Variants in SLC24A3 observed in about 807,000 individuals in gnomAD.
SLC24A3 encodes the protein sodium/potassium/calcium exchanger 3.
In SLC24A3, 28 loss-of-function variants were observed where a neutral mutation model predicts 75.8. That is an observed-to-expected ratio of 0.37 (90% CI 0.27 to 0.51). The LOEUF (loss-of-function observed/expected upper bound fraction) is 0.51. Among genes scored for constraint, SLC24A3 ranks in the 20% least tolerant of loss-of-function variants. SLC24A3 has a pLI of 0.94. For missense variants in SLC24A3, 663 were observed against 847.8 expected, an observed-to-expected ratio of 0.78 and a Z score of 2.71; for synonymous variants, 372 against 334.1, an observed-to-expected ratio of 1.11 and a Z score of -1.24.
intron 6 of SLC24A3, among the ~76,000 whole-genome samples, chr20:19,591,400 A>G (rs1403627745): frequency 6.6e-6 from 1 of 152,132 alleles, no homozygotes; most frequent in African/African-American, 2.4e-5. Context: ...AATGCAAAGG[A>G]AAGTGGACAT....
chr20:19,338,006 C>T (rs1985176734), intron 2 of SLC24A3, among the ~76,000 whole-genome samples: 2 of 152,052 alleles, frequency 1.3e-5, no homozygotes, highest in Non-Finnish European at 2.9e-5. Context: ...GATAGAGGCA[C>T]CACAGGATGG....
intron 1 of SLC24A3, among the ~76,000 whole-genome samples, chr20:19,267,205 T>C (rs1233911922): frequency 6.6e-6 from 1 of 152,198 alleles, no homozygotes; most frequent in Non-Finnish European, 1.5e-5. Flanking sequence ...AAATATTAGT[T>C]CCATACTTTG....
At chr20:19,500,414 A>G (rs933813500) in intron 2 of SLC24A3, among the ~76,000 whole-genome samples, 1 of 152,118 alleles carries the variant, frequency 6.6e-6, no homozygotes, top group African/African-American at 2.4e-5. Flanking sequence ...TCTTAGTGTT[A>G]CCTAGGAGAT....
At chr20:19,228,662 C>A (rs1369327320) in intron 1 of SLC24A3, among the ~76,000 whole-genome samples, 1 of 151,624 alleles carries the variant, frequency 6.6e-6, no homozygotes, top group Non-Finnish European at 1.5e-5. Context: ...AAAAAATTAG[C>A]CATGGATGTT....
chr20:19,254,619 T>A lies in SLC24A3; in HGVS notation c.143-26340T>A, dbSNP rs115843667. Among the ~76,000 whole-genome samples, 407 of 152,300 alleles carry A rather than the reference T, an allele frequency of 2.7e-3. 2 individuals are homozygous for A. Among genetic ancestry groups the A allele is most frequent in the African/African-American group, 9.0e-3 (376 of 41,562 alleles). ...AACTCACGAAGAAAAGGAAGAAAAC[T>A]TTTTTTGTCTTTCTGACTCATGCCT... is the stretch of plus-strand genomic sequence containing the variant. On this transcript the variant is annotated intron_variant, in intron 1 of 16. Coordinates refer to ENST00000328041, the MANE Select transcript of SLC24A3 (RefSeq NM_020689.4).
rs544151646 is a variant in SLC24A3 at position 19,485,386 on chromosome 20, A to G, written c.272-30102A>G. ...AGATATGTTAAGTGAAAATTGCAGT[A>G]TACATACCACTGTATGTAATTAGCT... On this transcript the variant is annotated intron_variant, in intron 2 of 16. Transcript: ENST00000328041. 4.6e-5 allele frequency among the ~76,000 whole-genome samples: 7 copies of G among 152,286 alleles called. No individual in the cohort carries two copies. In the East Asian group the frequency reaches 1.4e-3, roughly 29 times the overall value.
chr20:19,234,042 AT>A (rs1424155743), intron 1 of SLC24A3, among the ~76,000 whole-genome samples: 6 of 152,324 alleles, frequency 3.9e-5, no homozygotes, highest in Admixed American at 3.3e-4. Flanking sequence ...GCCCTGAATC[AT>A]TATTCGTTCT....
At chr20:19,398,972 C>T (rs1004252120) in intron 2 of SLC24A3, among the ~76,000 whole-genome samples, 7 of 152,138 alleles carry the variant, frequency 4.6e-5, no homozygotes, top group South Asian at 4.1e-4. Context: ...GATATAAATT[C>T]GATTTCTTTA....
At position 19,300,309 on chromosome 20, in the gene SLC24A3, C is replaced by A. The variant is rs565490183; in HGVS notation, c.271+19222C>A. ...TCCACCCAGCTCTCTCCCTTTGAAC[C>A]TGGCTGCCATGTTGGGAGGAAGCCC... On this transcript the variant is annotated intron_variant, in intron 2 of 16. Coordinates refer to ENST00000328041, the MANE Select transcript of SLC24A3 (RefSeq NM_020689.4). Among the ~76,000 whole-genome samples, 15 of 152,280 alleles carry A rather than the reference C, an allele frequency of 9.9e-5. No individual in the cohort carries two copies. The South Asian group carries it at 2.5e-3, about 25-fold the overall frequency.
intron 8 of SLC24A3, among the ~76,000 whole-genome samples, chr20:19,672,570 T>G (rs898599416): frequency 2.6e-5 from 4 of 152,044 alleles, no homozygotes; most frequent in Admixed American, 2.0e-4. Flanking sequence ...CTTGGGGACA[T>G]AAGTGATCCT....
intron 13 of SLC24A3, 184 bp from the exon 14 acceptor site, chr20:19,696,613 G>C: frequency 2.0e-6 from 1 of 496,384 alleles, no homozygotes; most frequent in Non-Finnish European, 3.6e-6. Flanking sequence ...ACCGTCCCCT[G>C]ACCTGCAGCC....
intron 1 of SLC24A3, among the ~76,000 whole-genome samples, chr20:19,264,842 TG>T (rs780650599): frequency 6.6e-6 from 1 of 152,124 alleles, no homozygotes; most frequent in Non-Finnish European, 1.5e-5. Context: ...ATTCTTCACG[TG>T]GACAATTCTG....
chr20:19,379,048 A>G (rs1047878014), intron 2 of SLC24A3, among the ~76,000 whole-genome samples: 6 of 152,174 alleles, frequency 3.9e-5, no homozygotes, highest in Non-Finnish European at 8.8e-5. Flanking sequence ...GGCTGTGAGC[A>G]GATGAGGAAT....
intron 2 of SLC24A3, among the ~76,000 whole-genome samples, chr20:19,392,020 T>C (rs1986374804): frequency 6.6e-6 from 1 of 152,332 alleles, no homozygotes; most frequent in East Asian, 1.9e-4. Context: ...TTCAGAAATC[T>C]AACTTCATGA....
chr20:19,541,807 C>T (rs914659012), intron 3 of SLC24A3, among the ~76,000 whole-genome samples: 10 of 152,168 alleles, frequency 6.6e-5, no homozygotes, highest in Admixed American at 2.0e-4. Context: ...GCGGTGTGTG[C>T]GGCTATGGGT....
chr20:19,231,931 A>T (rs879377225), intron 1 of SLC24A3, among the ~76,000 whole-genome samples: 1 of 152,196 alleles, frequency 6.6e-6, no homozygotes, highest in Admixed American at 6.5e-5. Flanking sequence ...ACCCTCCCCT[A>T]GCTAGAATGT....
intron 6 of SLC24A3, among the ~76,000 whole-genome samples, chr20:19,653,757 G>T (rs1396861584): frequency 6.6e-6 from 1 of 152,168 alleles, no homozygotes; most frequent in Non-Finnish European, 1.5e-5. Flanking sequence ...AACCATCCCT[G>T]TCTCCACGGG....
At chr20:19,645,835 C>T (rs1344675349) in intron 6 of SLC24A3, among the ~76,000 whole-genome samples, 1 of 152,166 alleles carries the variant, frequency 6.6e-6, no homozygotes, top group East Asian at 1.9e-4. Context: ...AGATGGATTG[C>T]TTGAGCCCAG....
At chr20:19,654,234 T>C (rs1412526692) in intron 7 of SLC24A3, 98 bp downstream of exon 7, 6 of 1,091,324 alleles carry the variant, frequency 5.5e-6, no homozygotes, top group Admixed American at 1.9e-5. Context: ...AGGTCACCGG[T>C]GGCGAGTGCG....
Sources: allele counts gnomAD v4.1 joint callset (sites outside exome capture counted in the v4.1 genomes callset), GRCh38; gene constraint gnomAD v4.1.1; transcripts MANE v1.5; gene names NCBI Gene and HGNC (gene_info 2026-07-23, HGNC 2026-07-21).